Variants in TNIP3 observed in about 807,000 individuals in gnomAD.
TNIP3 encodes the protein TNFAIP3-interacting protein 3.
Under a neutral mutation model 54.1 loss-of-function variants are expected in TNIP3, and 34 were observed. That is an observed-to-expected ratio of 0.63 (90% CI 0.48 to 0.84). The LOEUF (loss-of-function observed/expected upper bound fraction) is 0.84, where lower values mean the gene tolerates loss of function less well. TNIP3 is among the 40% of genes least tolerant of loss of function. The pLI, the probability that TNIP3 is intolerant of heterozygous loss-of-function variation, is 0.00. For missense variants in TNIP3, 366 were observed against 387.6 expected (o/e 0.94, Z 0.47); for synonymous variants, 134 against 136.8 (o/e 0.98, Z 0.14).
intron 9 of TNIP3, 66 bp downstream of exon 9, chr4:121,141,750 C>T (rs1231643937): frequency 9.1e-7 from 1 of 1,093,188 alleles, no homozygotes; most frequent in Non-Finnish European, 1.2e-6. Context: ...GCTGAAATTC[C>T]AGAGATGCAC....
intron 2 of TNIP3, among the ~76,000 whole-genome samples, chr4:121,194,813 GGAAATATGAGTGAGT>G (rs561283440): frequency 3.5e-3 from 535 of 151,426 alleles, no homozygotes; most frequent in Non-Finnish European, 6.0e-3. Flanking sequence ...ACTTGCTTTT[GGAAATATGAGTGAGT>G]GCTAATATCC....
chr4:121,179,589 A>G (rs1234076876), intron 3 of TNIP3, among the ~76,000 whole-genome samples: 2 of 152,224 alleles, frequency 1.3e-5, no homozygotes, highest in East Asian at 1.9e-4. Context: ...AGTAAGATCT[A>G]TGTTGATAGA....
chr4:121,224,223 T>C (rs4833204), intron 1 of TNIP3, among the ~76,000 whole-genome samples: 69,570 of 151,798 alleles, frequency 0.46, 17,167 homozygotes, highest in South Asian at 0.75. Flanking sequence ...ATTAGCTGAA[T>C]GTGGTGGTGG....
intron 2 of TNIP3, among the ~76,000 whole-genome samples, chr4:121,204,692 T>A (rs1237002428): frequency 6.6e-6 from 1 of 152,192 alleles, no homozygotes; most frequent in African/African-American, 2.4e-5. Flanking sequence ...TCTTACATAC[T>A]AGTATTTTAT....
intron 10 of TNIP3, among the ~76,000 whole-genome samples, chr4:121,133,007 C>T (rs895491462): frequency 6.6e-6 from 1 of 152,044 alleles, no homozygotes; most frequent in Non-Finnish European, 1.5e-5. Flanking sequence ...TCAGTACTTA[C>T]CCCAGAGAAA....
chr4:121,208,875 G>A (rs1020139260), intron 2 of TNIP3, among the ~76,000 whole-genome samples: 1 of 152,172 alleles, frequency 6.6e-6, no homozygotes, highest in Non-Finnish European at 1.5e-5. Flanking sequence ...GGAATCCATG[G>A]AGAGCTTCAG....
chr4:121,162,795 A>G (rs951712866), intron 1 of TNIP3, among the ~76,000 whole-genome samples: 4 of 152,202 alleles, frequency 2.6e-5, no homozygotes, highest in East Asian at 3.8e-4. Flanking sequence ...TACATTTCCT[A>G]GGTAATTTTG....
intron 10 of TNIP3, among the ~76,000 whole-genome samples, chr4:121,135,986 T>G (rs991465643): frequency 2.6e-5 from 4 of 152,110 alleles, no homozygotes; most frequent in African/African-American, 9.7e-5. Context: ...AGTGAGGAAT[T>G]TTTTGGTGGT....
upstream of TNIP3, among the ~76,000 whole-genome samples, chr4:121,165,695 A>G (rs937915278): frequency 4.3e-5 from 6 of 141,114 alleles, no homozygotes; most frequent in Admixed American, 4.2e-4. Context: ...GTGTGTGTTT[A>G]CTTTCTTCTG....
intron 9 of TNIP3, among the ~76,000 whole-genome samples, chr4:121,139,002 C>T (rs1024117351): frequency 6.6e-6 from 1 of 152,076 alleles, no homozygotes; most frequent in South Asian, 2.1e-4. Flanking sequence ...TTACTACAGC[C>T]CATCAATAAA....
At chr4:121,136,154 T>C (rs1026225953) in intron 10 of TNIP3, among the ~76,000 whole-genome samples, 1 of 152,218 alleles carries the variant, frequency 6.6e-6, no homozygotes, top group Non-Finnish European at 1.5e-5. Context: ...ACATATTTAT[T>C]ACACACTTAA....
intron 7 of TNIP3, among the ~76,000 whole-genome samples, chr4:121,144,690 C>T (rs1729329431): frequency 6.6e-6 from 1 of 152,266 alleles, no homozygotes; most frequent in African/African-American, 2.4e-5. Context: ...GCATGAGTCA[C>T]CGCACCCGGC....
chr4:121,215,880 TAAA>T (rs70948385), intron 2 of TNIP3, among the ~76,000 whole-genome samples: 11 of 133,824 alleles, frequency 8.2e-5, no homozygotes, highest in African/African-American at 1.4e-4. Flanking sequence ...GGTGCCACAT[TAAA>T]AAAAAAAAAA....
chr4:121,139,076 G>A (rs1486479916), intron 9 of TNIP3, among the ~76,000 whole-genome samples: 4 of 152,130 alleles, frequency 2.6e-5, no homozygotes, highest in Non-Finnish European at 5.9e-5. Flanking sequence ...CAATGAGAAG[G>A]CCAGGAAAAA....
intron 2 of TNIP3, among the ~76,000 whole-genome samples, chr4:121,214,246 C>G (rs1726659720): frequency 6.6e-6 from 1 of 152,176 alleles, no homozygotes; most frequent in South Asian, 2.1e-4. Flanking sequence ...CTTCCTTCTG[C>G]ACTTCCGGGT....
chr4:121,199,375 G>T lies in TNIP3; in HGVS notation c.69-16579C>A, dbSNP rs139340429. On this transcript the variant is annotated intron_variant, in intron 2 of 12. Transcript: ENST00000507879. ...AGACAGCAGTTTGCACTTAAAAGAAGTCGGACATGAGGTCTATAAGAAAAC... is the reference window on the plus strand; with the variant it reads ...AGACAGCAGTTTGCACTTAAAAGAATTCGGACATGAGGTCTATAAGAAAAC... 5.3e-4 allele frequency among the ~76,000 whole-genome samples: 80 copies of T among 152,272 alleles called. 1 individual carries two copies. Among genetic ancestry groups the T allele is most frequent in the South Asian group, 3.3e-3 (16 of 4,818 alleles).
chr4:121,151,852 C>T (rs1311246105), intron 5 of TNIP3, among the ~76,000 whole-genome samples: 1 of 152,162 alleles, frequency 6.6e-6, no homozygotes, highest in Non-Finnish European at 1.5e-5. Context: ...CTTGAACAAA[C>T]ACCTATAACC....
intron 2 of TNIP3, among the ~76,000 whole-genome samples, chr4:121,212,216 A>G (rs970555367): frequency 6.6e-6 from 1 of 152,202 alleles, no homozygotes; most frequent in Non-Finnish European, 1.5e-5. Context: ...AGGCCTCAAA[A>G]TATGGAAATC....
At chr4:121,206,946 T>G (rs1402891461) in intron 2 of TNIP3, among the ~76,000 whole-genome samples, 1 of 152,104 alleles carries the variant, frequency 6.6e-6, no homozygotes, top group Non-Finnish European at 1.5e-5. Flanking sequence ...GTACATGAAT[T>G]CAAATATCAA....
Sources: gnomAD v4.1 joint callset for allele counts (sites outside exome capture counted in the v4.1 genomes callset) on GRCh38, gnomAD v4.1.1 for gene constraint, MANE v1.5 for transcripts, NCBI Gene and HGNC (gene_info 2026-07-23, HGNC 2026-07-21) for gene names.